TLN2: variants seen among roughly 807,000 people sequenced by gnomAD.
The protein encoded by TLN2 is talin-2.
Under a neutral mutation model 294.7 loss-of-function variants are expected in TLN2, and 118 were observed. The ratio of observed to expected loss-of-function variants is 0.40; its 90% confidence interval spans 0.34 to 0.47. The LOEUF is 0.47. Among genes scored for constraint, TLN2 ranks in the 20% least tolerant of loss-of-function variants. The probability of loss-of-function intolerance (pLI) is 0.84; values close to 1 mark genes in which losing one functional copy is unlikely to be tolerated. For missense variants in TLN2, 3,083 were observed against 3,282.2 expected, an observed-to-expected ratio of 0.94 and a Z score of 1.48; for synonymous variants, 1,431 against 1,304.5, an observed-to-expected ratio of 1.10 and a Z score of -2.09.
At chr15:62,534,156 A>C (rs560277591) in intron 1 of TLN2, among the ~76,000 whole-genome samples, 1 of 152,170 alleles carries the variant, frequency 6.6e-6, no homozygotes, top group Non-Finnish European at 1.5e-5. Flanking sequence ...ATTTCTCCCC[A>C]CATACTCACC....
chr15:62,713,703 T>C (rs903243730), intron 22 of TLN2, among the ~76,000 whole-genome samples: 12 of 151,792 alleles, frequency 7.9e-5, no homozygotes, highest in Non-Finnish European at 1.8e-4. Flanking sequence ...TTGTGACACA[T>C]AGTGAGCCAT....
At chr15:62,476,706 T>C (rs887341160) in intron 1 of TLN2, among the ~76,000 whole-genome samples, 33 of 152,204 alleles carry the variant, frequency 2.2e-4, no homozygotes, top group African/African-American at 8.0e-4. Flanking sequence ...TTTGACCACT[T>C]TCCTCTCTTT....
intron 3 of TLN2, among the ~76,000 whole-genome samples, chr15:62,626,602 C>T (rs189464499): frequency 9.2e-5 from 14 of 152,162 alleles, no homozygotes; most frequent in Admixed American, 2.6e-4. Flanking sequence ...GGCAAGTCAG[C>T]GACAAGGATG....
chr15:62,631,326 A>G (rs1406206170), intron 3 of TLN2, among the ~76,000 whole-genome samples: 1 of 152,164 alleles, frequency 6.6e-6, no homozygotes, highest in Non-Finnish European at 1.5e-5. Flanking sequence ...TGCAAACCGT[A>G]ATAGAGGAAG....
chr15:62,520,925 A>G (rs1462210717), intron 1 of TLN2, among the ~76,000 whole-genome samples: 1 of 152,208 alleles, frequency 6.6e-6, no homozygotes, highest in Non-Finnish European at 1.5e-5. Context: ...TTACATACTT[A>G]GTCCTTGCCA....
chr15:62,653,094 G>C, intron 6 of TLN2, 68 bp from the exon 7 acceptor site: 1 of 1,337,420 alleles, frequency 7.5e-7, no homozygotes, highest in Non-Finnish European at 1.0e-6. Flanking sequence ...AATATCACAG[G>C]CCTTAGGCTG....
intron 3 of TLN2, among the ~76,000 whole-genome samples, chr15:62,626,666 G>A (rs2049312389): frequency 6.6e-6 from 1 of 152,160 alleles, no homozygotes; most frequent in South Asian, 2.1e-4. Context: ...ACATCACCTG[G>A]TCCTCACCAT....
chr15:62,448,956 A>G (rs939328943), intron 1 of TLN2, among the ~76,000 whole-genome samples: 3 of 152,192 alleles, frequency 2.0e-5, no homozygotes, highest in Admixed American at 2.0e-4. Flanking sequence ...TTGCAGGGCA[A>G]CTGGCTTCTT....
intron 1 of TLN2, among the ~76,000 whole-genome samples, chr15:62,475,089 C>T (rs812958): frequency 0.31 from 47,343 of 151,948 alleles, 7,781 homozygotes; most frequent in East Asian, 0.53. Flanking sequence ...TTGGCTCTGT[C>T]TCCCTGAAGA....
chr15:62,625,779 G>A (rs979282189), intron 3 of TLN2, among the ~76,000 whole-genome samples: 2 of 152,340 alleles, frequency 1.3e-5, no homozygotes, highest in African/African-American at 4.8e-5. Context: ...TGTGTTGCCA[G>A]CCTGGCTTTC....
chr15:62,727,160 G>A lies in TLN2; in HGVS notation c.3329G>A (p.Cys1110Tyr), dbSNP rs1595803601. Reference sequence around the variant, plus strand: ...TCCTCCATGGCACAGCTGCTGACCTGTGCTGCTCAAGGCAACGAACACTAC... The same window carrying A: ...TCCTCCATGGCACAGCTGCTGACCTATGCTGCTCAAGGCAACGAACACTAC... ...VGSSMAQLLT[C>Y]AAQGNEHYTG... The change falls in exon 28 of 59, where the codon TGT becomes TAT. Residue 1110 changes from cysteine to tyrosine, a missense_variant. Cys to Tyr is a radical substitution (Grantham distance 194). Coordinates refer to ENST00000636159, the MANE Select transcript of TLN2 (RefSeq NM_015059.3). 7 of 1,614,218 alleles carry A rather than the reference G, an allele frequency of 4.3e-6. No homozygotes were observed. Among genetic ancestry groups the A allele is most frequent in the Non-Finnish European group, 5.1e-6 (6 of 1,180,038 alleles).
chr15:62,714,193 T>G (rs1054944562), intron 22 of TLN2, among the ~76,000 whole-genome samples: 7 of 83,776 alleles, frequency 8.4e-5, no homozygotes, highest in African/African-American at 2.5e-4. Flanking sequence ...GTGCACGTTT[T>G]TTTTTTTTTT....
chr15:62,792,474 G>T (rs919223126), intron 45 of TLN2, among the ~76,000 whole-genome samples, 167 bp from the exon 46 acceptor site: 2 of 152,170 alleles, frequency 1.3e-5, no homozygotes, highest in African/African-American at 4.8e-5. Flanking sequence ...CAAAAGGGAA[G>T]CAAAATCAAC....
chr15:62,752,839 G>A (rs1319745707), intron 35 of TLN2, among the ~76,000 whole-genome samples: 1 of 152,194 alleles, frequency 6.6e-6, no homozygotes, highest in African/African-American at 2.4e-5. Flanking sequence ...CCATCATGCA[G>A]AGACATGATA....
At chr15:62,689,832 C>G (rs1244749191) in intron 12 of TLN2, among the ~76,000 whole-genome samples, 118 of 42,330 alleles carry the variant, frequency 2.8e-3, no homozygotes, top group African/African-American at 7.2e-3. Flanking sequence ...TTTCAAAATT[C>G]TTGGTATGGG....
At chr15:62,495,830 A>G (rs1276411571) in intron 1 of TLN2, among the ~76,000 whole-genome samples, 1 of 152,174 alleles carries the variant, frequency 6.6e-6, no homozygotes, top group Non-Finnish European at 1.5e-5. Context: ...GGGTGTGGCC[A>G]CAGAGCTCTT....
At chr15:62,807,510 A>G (rs2066371898) in intron 51 of TLN2, among the ~76,000 whole-genome samples, 1 of 152,186 alleles carries the variant, frequency 6.6e-6, no homozygotes, top group African/African-American at 2.4e-5. Flanking sequence ...CAAGGTCGCT[A>G]TGGTTGATGC....
intron 21 of TLN2, among the ~76,000 whole-genome samples, chr15:62,711,379 C>G (rs1327020779): frequency 6.6e-6 from 1 of 152,182 alleles, no homozygotes; most frequent in African/African-American, 2.4e-5. Flanking sequence ...CAAGGCAAGT[C>G]ATAGCATTTG....
intron 1 of TLN2, among the ~76,000 whole-genome samples, chr15:62,402,389 C>T (rs1008796734): frequency 2.6e-5 from 4 of 152,184 alleles, no homozygotes; most frequent in African/African-American, 9.7e-5. Flanking sequence ...TACTTGGTTC[C>T]ACCTAGCTTT....
Sources: gnomAD v4.1 joint callset for allele counts (sites outside exome capture counted in the v4.1 genomes callset) on GRCh38, gnomAD v4.1.1 for gene constraint, MANE v1.5 for transcripts, NCBI Gene and HGNC (gene_info 2026-07-23, HGNC 2026-07-21) for gene names.